AUNIP: variants seen among roughly 807,000 people sequenced by gnomAD.
AUNIP encodes the protein aurora kinase A and ninein interacting protein.
In AUNIP, 16 loss-of-function variants were observed where a neutral mutation model predicts 12.2. The ratio of observed to expected loss-of-function variants is 1.31; its 90% CI spans 0.88 to 1.99. The LOEUF (loss-of-function observed/expected upper bound fraction) is 1.99, where lower values mean the gene tolerates loss of function less well. Ranked by LOEUF, AUNIP falls within the 30% of genes most tolerant of loss-of-function variation. The pLI, the probability that AUNIP is intolerant of heterozygous loss-of-function variation, is 0.00. For synonymous variants in AUNIP, 142 were observed against 154.8 expected (o/e 0.92, Z 0.61); for missense variants, 411 against 419.1 (o/e 0.98, Z 0.17).
In AUNIP at chr1:25,837,396, C is replaced by G; in HGVS notation, c.220+17G>C. On this transcript the variant is annotated intron_variant, in intron 2 of 2. Transcript: ENST00000374298. Reference sequence around the variant, plus strand: ...TTTGCTCTGGATAATGAAGTATTCCCATATGGGTCACCATACCTGGCTGCA... The same window carrying G: ...TTTGCTCTGGATAATGAAGTATTCCGATATGGGTCACCATACCTGGCTGCA... 1 of 1,610,410 alleles carries G rather than the reference C, an allele frequency of 6.2e-7. No individual in the cohort carries two copies. Among genetic ancestry groups the G allele is most frequent in the Non-Finnish European group, 8.5e-7 (1 of 1,178,426 alleles).
At chr1:25,855,184 C>A (rs889413492) in intron 1 of AUNIP, among the ~76,000 whole-genome samples, 3 of 151,958 alleles carry the variant, frequency 2.0e-5, no homozygotes, top group African/African-American at 7.2e-5. Flanking sequence ...ACTCAGAATT[C>A]TAACACTATA....
At chr1:25,849,581 ACT>A (rs1191767916) in intron 1 of AUNIP, among the ~76,000 whole-genome samples, 1 of 151,460 alleles carries the variant, frequency 6.6e-6, no homozygotes, top group African/African-American at 2.4e-5. Flanking sequence ...TCAATACTTC[ACT>A]CTTTTTTATT....
rs139695812 is a variant in AUNIP, at chr1:25,834,615, CAAAAA to C, written c.*373_*377del. ...CTGGCAACAGAGCGAGACTCCATCT[CAAAAA>C]AAAAAAAAAAAAAACACATCCATAA... On this transcript the variant is annotated 3_prime_UTR_variant, in exon 3 of 3. Transcript: ENST00000374298. 171 of 882,320 alleles carry C rather than the reference CAAAAA, an allele frequency of 1.9e-4. No homozygotes were observed. Among genetic ancestry groups the C allele is most frequent in the East Asian group, 1.1e-3 (8 of 7,002 alleles). 54.7% of individuals were successfully genotyped at this position (882,320 alleles called of 1,614,324 possible). A position where few individuals can be genotyped will look rare whatever the true frequency, so the allele number is the denominator to read the frequency against.
Position 25,834,792 on chromosome 1 carries a change from C to A in AUNIP, c.*201G>T. The A allele has an allele frequency of 7.1e-7, 1 of 1,413,368 alleles. No homozygotes were observed. Among genetic ancestry groups the A allele is most frequent in the Non-Finnish European group, 9.2e-7 (1 of 1,087,966 alleles). The allele number at this position is 1,413,368 out of a possible 1,614,324, so 87.6% of individuals were successfully genotyped here. A position where few individuals can be genotyped will look rare whatever the true frequency, so the allele number is the denominator to read the frequency against. ...AGGGAATTTACCAGCCACCACCTTC[C>A]TGAGGGAAAGCCATGATGCCAATCC... On this transcript the variant is annotated 3_prime_UTR_variant, in exon 3 of 3. Transcript: ENST00000374298.
intron 1 of AUNIP, among the ~76,000 whole-genome samples, chr1:25,842,305 A>C (rs922619608): frequency 6.6e-6 from 1 of 152,244 alleles, no homozygotes; most frequent in Non-Finnish European, 1.5e-5. Context: ...CATTCGCTTA[A>C]GTCAAAGCCT....
chr1:25,847,260 TTTTTG>T lies in AUNIP; in HGVS notation c.79-9711_79-9707del, dbSNP rs1206253021. On this transcript the variant is annotated intron_variant, in intron 1 of 2. Transcript: ENST00000374298. The surrounding 1 kb of genome is among the most constrained non-coding windows in gnomAD (Gnocchi z 4.2). ...TACAGCTTAAAAAACAGTTGTGTTT[TTTTTG>T]TTTTGTTTTTTTTTGAGACGGAGTC... 6.6e-6 allele frequency among the ~76,000 whole-genome samples: 1 copy of T among 152,076 alleles called. No individual in the cohort carries two copies. The highest frequency in any genetic ancestry group is 1.5e-5 in the Non-Finnish European group (1 of 67,996).
At chr1:25,838,675 A>G (rs2048322892) in intron 1 of AUNIP, among the ~76,000 whole-genome samples, 1 of 152,198 alleles carries the variant, frequency 6.6e-6, no homozygotes, top group African/African-American at 2.4e-5. Flanking sequence ...TTCTTTAGAG[A>G]ATGGAACTGG....
In AUNIP at chr1:25,834,060, T is replaced by A. The variant is rs1051003444; in HGVS notation, c.*933A>T. On this transcript the variant is annotated 3_prime_UTR_variant, in exon 3 of 3. Coordinates refer to ENST00000374298, the MANE Select transcript of AUNIP (RefSeq NM_024037.3). The stretch of plus-strand genomic sequence containing the variant: ...GTTTTACAAAGGGGATTCCCTCCTA[T>A]CTTGTGGGAAAAGGGTAACAGAGTC... 5.1e-6 allele frequency: 5 copies of A among 985,194 alleles called. No individual in the cohort carries two copies. In the African/African-American group the frequency reaches 8.7e-5, roughly 17 times the overall value. 61.0% of individuals were successfully genotyped at this position (985,194 alleles called of 1,614,324 possible). A position where few individuals can be genotyped will look rare whatever the true frequency, so the allele number is the denominator to read the frequency against.
chr1:25,854,953 CTTTT>C (rs1159770557), intron 1 of AUNIP, among the ~76,000 whole-genome samples: 2 of 121,112 alleles, frequency 1.7e-5, no homozygotes, highest in African/African-American at 3.4e-5. Flanking sequence ...AGAATTCTTT[CTTTT>C]TTTTTTTTTT....
Position 25,835,887 on chromosome 1 carries a change from A to T in AUNIP, c.221-41T>A, listed in dbSNP as rs542234860. ...TGAACAAATATTATTCTGCAGAAAA[A>T]CTGCCCTAAGCAGGATTCAGTTGGC... On this transcript the variant is annotated intron_variant, in intron 2 of 2. Coordinates refer to ENST00000374298, the MANE Select transcript of AUNIP (RefSeq NM_024037.3). 4 of 1,596,582 alleles carry T rather than the reference A, an allele frequency of 2.5e-6. No individual in the cohort carries two copies. The African/African-American group carries it at 5.4e-5, about 21-fold the overall frequency.
chr1:25,853,709 T>C (rs1419386468), intron 1 of AUNIP, among the ~76,000 whole-genome samples: 1 of 152,204 alleles, frequency 6.6e-6, no homozygotes, highest in East Asian at 1.9e-4. Context: ...GCATTCATGA[T>C]GTTGGCTCAG....
In AUNIP at chr1:25,839,052, C is replaced by T. The variant is rs529987676; in HGVS notation, c.79-1498G>A. ...TTGTGTTGCTGGTACAGAATCTTCT[C>T]TTCCACCACATACAACTAGAAAACT... is the stretch of plus-strand genomic sequence containing the variant. On this transcript the variant is annotated intron_variant, in intron 1 of 2. Transcript: ENST00000374298. Among the ~76,000 whole-genome samples the T allele has an allele frequency of 1.2e-3, 180 of 152,312 alleles. 1 individual carries two copies. The highest frequency in any genetic ancestry group is 4.2e-3 in the African/African-American group (176 of 41,558).
At chr1:25,853,323 G>A (rs576962345) in intron 1 of AUNIP, among the ~76,000 whole-genome samples, 9 of 152,320 alleles carry the variant, frequency 5.9e-5, no homozygotes, top group African/African-American at 2.2e-4. Context: ...TTCGGCCGGC[G>A]TGGTGGCTCA....
At chr1:25,839,076 C>G (rs1255256680) in intron 1 of AUNIP, among the ~76,000 whole-genome samples, 1 of 152,148 alleles carries the variant, frequency 6.6e-6, no homozygotes, top group Non-Finnish European at 1.5e-5. Flanking sequence ...AACTAGAAAA[C>G]TGGATCAAAG....
chr1:25,849,254 A>G (rs1394626416), intron 1 of AUNIP, among the ~76,000 whole-genome samples: 1 of 152,212 alleles, frequency 6.6e-6, no homozygotes, highest in Non-Finnish European at 1.5e-5. Context: ...TAACAGCTTT[A>G]TTAATAGAGA....
In AUNIP at chr1:25,835,535, C is replaced by A. The variant is rs778926533; in HGVS notation, c.532G>T (p.Asp178Tyr). 57 of 1,614,090 alleles carry A rather than the reference C, an allele frequency of 3.5e-5. No homozygotes were observed. Among genetic ancestry groups the A allele is most frequent in the Non-Finnish European group, 4.7e-5 (55 of 1,180,046 alleles). ...TCTAGCAAACAAGAACTTTCCAAGTCCTCGGTGAAGGAAAAAGCCAGTGGG... is the reference window on the plus strand; with the variant it reads ...TCTAGCAAACAAGAACTTTCCAAGTACTCGGTGAAGGAAAAAGCCAGTGGG... ...HTPLAFSFTE[D>Y]LESSCLLDRK... The change falls in exon 3 of 3, where the codon GAC becomes TAC. Residue 178 changes from aspartate to tyrosine, a missense_variant. By Grantham distance (160) the Asp-to-Tyr change is radical. Coordinates refer to ENST00000374298, the MANE Select transcript of AUNIP (RefSeq NM_024037.3).
chr1:25,844,088 G>A (rs1433806926), intron 1 of AUNIP, among the ~76,000 whole-genome samples: 3 of 152,110 alleles, frequency 2.0e-5, no homozygotes, highest in Admixed American at 2.0e-4. Context: ...AAGAGTCATC[G>A]AGGCAGCAAG....
At chr1:25,856,191 C>G (rs190150062) in intron 1 of AUNIP, among the ~76,000 whole-genome samples, 96 of 151,682 alleles carry the variant, frequency 6.3e-4, no homozygotes, top group African/African-American at 2.3e-3. Flanking sequence ...ATGGTGAAAC[C>G]CTGTCTCTAC....
Position 25,834,778 on chromosome 1 carries a change from C to T in AUNIP, c.*215G>A. On this transcript the variant is annotated 3_prime_UTR_variant, in exon 3 of 3. Coordinates refer to ENST00000374298, the MANE Select transcript of AUNIP (RefSeq NM_024037.3). ...TCATAGACTCATTCAGGGAATTTACCAGCCACCACCTTCCTGAGGGAAAGC... is the reference window on the plus strand; with the variant it reads ...TCATAGACTCATTCAGGGAATTTACTAGCCACCACCTTCCTGAGGGAAAGC... The T allele has an allele frequency of 7.1e-7, 1 of 1,403,610 alleles. No individual in the cohort carries two copies. Among genetic ancestry groups the T allele is most frequent in the South Asian group, 1.7e-5 (1 of 60,400 alleles). The allele number at this position is 1,403,610 out of a possible 1,614,324, so 86.9% of individuals were successfully genotyped here.
Sources: allele counts gnomAD v4.1 joint callset (sites outside exome capture counted in the v4.1 genomes callset), GRCh38; gene constraint gnomAD v4.1.1; non-coding constraint Gnocchi (gnomAD v3.1); transcripts MANE v1.5; gene names NCBI Gene and HGNC (gene_info 2026-07-23, HGNC 2026-07-21).